Variants in RANBP17 observed in about 807,000 individuals in gnomAD.
RANBP17 encodes the protein ran-binding protein 17.
A neutral mutation model predicts 141.2 loss-of-function variants in RANBP17; 158 were observed. The ratio of observed to expected loss-of-function variants is 1.12; its 90% confidence interval spans 0.98 to 1.28. RANBP17 has a LOEUF of 1.28. Ranked by LOEUF, RANBP17 falls within the 50% of genes most tolerant of loss-of-function variation. The pLI, the probability that RANBP17 is intolerant of heterozygous loss-of-function variation, is 0.00. For synonymous variants in RANBP17, 430 were observed against 450.0 expected (o/e 0.96, Z 0.56); for missense variants, 1,438 against 1,290.7 (o/e 1.11, Z -1.75).
At chr5:171,190,345 C>T (rs1761543351) in intron 18 of RANBP17, among the ~76,000 whole-genome samples, 2 of 152,176 alleles carry the variant, frequency 1.3e-5, no homozygotes, top group South Asian at 4.1e-4. Context: ...TGGCAATAAA[C>T]AGTTGTACCA....
intron 14 of RANBP17, among the ~76,000 whole-genome samples, chr5:170,984,339 T>C (rs1777973516): frequency 6.6e-6 from 1 of 152,002 alleles, no homozygotes; most frequent in East Asian, 1.9e-4. Context: ...ACCAAAAGTG[T>C]GTTTAGGCCA....
At chr5:171,127,300 A>G (rs1756547347) in intron 14 of RANBP17, among the ~76,000 whole-genome samples, 1 of 152,210 alleles carries the variant, frequency 6.6e-6, no homozygotes, top group South Asian at 2.1e-4. Flanking sequence ...TTCTCAATAA[A>G]TTTGTTACAG....
At chr5:171,199,817 C>A in intron 19 of RANBP17, 44 bp downstream of exon 19, 2 of 1,186,766 alleles carry the variant, frequency 1.7e-6, no homozygotes, top group Admixed American at 1.8e-5. Flanking sequence ...TTTGTTTTTT[C>A]TAGGATATCT....
At chr5:170,864,256 A>G (rs145770755) in intron 1 of RANBP17, among the ~76,000 whole-genome samples, 11 of 152,334 alleles carry the variant, frequency 7.2e-5, no homozygotes, top group African/African-American at 2.6e-4. Context: ...AGCTAGGCAA[A>G]AATTATACCA....
chr5:170,916,693 G>T, intron 9 of RANBP17, 109 bp downstream of exon 9: 183 of 524,800 alleles, frequency 3.5e-4, no homozygotes, highest in Middle Eastern at 1.3e-3. Context: ...AAAACATTTA[G>T]TATCATATAT....
chr5:171,246,045 A>AT (rs1478455449), intron 24 of RANBP17, among the ~76,000 whole-genome samples: 4 of 151,520 alleles, frequency 2.6e-5, no homozygotes, highest in East Asian at 3.9e-4. Flanking sequence ...CGCCTAGCTA[A>AT]TTTTTTTGTA....
intron 25 of RANBP17, among the ~76,000 whole-genome samples, chr5:171,290,847 C>T (rs1768451207): frequency 6.6e-6 from 1 of 152,166 alleles, no homozygotes; most frequent in African/African-American, 2.4e-5. Context: ...GCTGCAGTAG[C>T]AGTGAAGGAG....
chr5:170,938,762 G>A (rs1273314358), intron 12 of RANBP17, among the ~76,000 whole-genome samples: 2 of 152,022 alleles, frequency 1.3e-5, no homozygotes, highest in East Asian at 3.9e-4. Context: ...AAATTTTCAA[G>A]ACTGCAGGAA....
At chr5:170,957,041 G>C (rs1775767112) in intron 13 of RANBP17, among the ~76,000 whole-genome samples, 1 of 150,088 alleles carries the variant, frequency 6.7e-6, no homozygotes, top group South Asian at 2.1e-4. Flanking sequence ...CTGCACCCCA[G>C]CCTGGGCAAC....
At chr5:170,891,261 C>T (rs1195652666) in intron 3 of RANBP17, among the ~76,000 whole-genome samples, 1 of 152,138 alleles carries the variant, frequency 6.6e-6, no homozygotes, top group Non-Finnish European at 1.5e-5. Context: ...TTAAGGAAAG[C>T]ATAGTACAAT....
At chr5:171,008,011 T>C (rs1779773905) in intron 14 of RANBP17, among the ~76,000 whole-genome samples, 1 of 152,178 alleles carries the variant, frequency 6.6e-6, no homozygotes. Flanking sequence ...CAAGGGAATA[T>C]GGGTAAATGA....
intron 14 of RANBP17, among the ~76,000 whole-genome samples, chr5:171,008,212 G>A (rs1213266654): frequency 1.3e-5 from 2 of 152,204 alleles, no homozygotes; most frequent in African/African-American, 4.8e-5. Context: ...ATCTGGAATT[G>A]GAAGGACAGG....
chr5:171,013,049 A>T (rs543286146), intron 14 of RANBP17, among the ~76,000 whole-genome samples: 1 of 152,320 alleles, frequency 6.6e-6, no homozygotes, highest in East Asian at 1.9e-4. Context: ...CTTTAGAGTT[A>T]AATCTCAGAA....
intron 24 of RANBP17, among the ~76,000 whole-genome samples, chr5:171,257,794 C>T (rs764262126): frequency 1.3e-4 from 20 of 151,986 alleles, no homozygotes; most frequent in African/African-American, 2.4e-4. Context: ...GTAGGCAGTG[C>T]CATTTATAAT....
chr5:170,866,655 A>G (rs1254831062), intron 1 of RANBP17, among the ~76,000 whole-genome samples: 1 of 151,948 alleles, frequency 6.6e-6, no homozygotes, highest in Non-Finnish European at 1.5e-5. Flanking sequence ...TGCCTGGGCA[A>G]CAGAGCGAGA....
chr5:170,864,284 G>A (rs1246227356), intron 1 of RANBP17, among the ~76,000 whole-genome samples: 1 of 152,180 alleles, frequency 6.6e-6, no homozygotes, highest in Non-Finnish European at 1.5e-5. Flanking sequence ...GATGAGTAAA[G>A]AAGCAGATTT....
intron 14 of RANBP17, among the ~76,000 whole-genome samples, chr5:171,022,236 G>A (rs1004476844): frequency 2.0e-5 from 3 of 152,180 alleles, no homozygotes; most frequent in African/African-American, 7.2e-5. Flanking sequence ...CCTGTATTGG[G>A]TATCTGCCAA....
intron 25 of RANBP17, among the ~76,000 whole-genome samples, 155 bp downstream of exon 25, chr5:171,266,002 G>A (rs1253352706): frequency 1.3e-5 from 2 of 152,136 alleles, no homozygotes; most frequent in Non-Finnish European, 2.9e-5. Flanking sequence ...CCCTGAACGT[G>A]GAGGGAAAAC....
chr5:171,281,926 C>G (rs1002121501), intron 25 of RANBP17, among the ~76,000 whole-genome samples: 1 of 152,098 alleles, frequency 6.6e-6, no homozygotes, highest in Non-Finnish European at 1.5e-5. Context: ...GTAAGCCCTC[C>G]CTCCCCAACT....
Sources: gnomAD v4.1 joint callset for allele counts (sites outside exome capture counted in the v4.1 genomes callset) on GRCh38, gnomAD v4.1.1 for gene constraint, MANE v1.5 for transcripts, NCBI Gene and HGNC (gene_info 2026-07-23, HGNC 2026-07-21) for gene names.